Variants in B4GALNT3 observed in about 807,000 individuals in gnomAD.
The protein encoded by B4GALNT3 is beta-1,4-N-acetylgalactosaminyltransferase 3.
In B4GALNT3, 86 loss-of-function variants were observed where a neutral mutation model predicts 120.2. That is an observed-to-expected ratio of 0.72 (90% CI 0.60 to 0.86). B4GALNT3 has a LOEUF of 0.86. Ranked by LOEUF, B4GALNT3 falls within the 40% of genes least tolerant of loss-of-function variation. B4GALNT3 has a pLI of 0.00. For synonymous variants in B4GALNT3, 518 were observed against 510.4 expected, an observed-to-expected ratio of 1.01 and a Z score of -0.20; for missense variants, 1,167 against 1,298.9, an observed-to-expected ratio of 0.90 and a Z score of 1.56.
intron 3 of B4GALNT3, among the ~76,000 whole-genome samples, chr12:537,928 G>A (rs534235260): frequency 1.3e-5 from 2 of 152,154 alleles, no homozygotes; most frequent in Non-Finnish European, 2.9e-5. Flanking sequence ...TATCCACACT[G>A]TGAAACTACC....
At position 559,392 on chromosome 12, in the gene B4GALNT3, G is replaced by T. The variant is rs768561857; in HGVS notation, c.2859G>T (p.Trp953Cys). 2 of 1,614,010 alleles carry T rather than the reference G, an allele frequency of 1.2e-6. No individual in the cohort carries two copies. The highest frequency in any genetic ancestry group is 1.1e-5 in the South Asian group (1 of 91,080). The part of the protein sequence containing the change: ...GMNTKEFRDR[W>C]GGEDWELLDR... ...ACACCAAGGAGTTCCGAGACCGCTGGGGCGGGGAAGACTGGGAGCTGCTGG... is the reference window on the plus strand; with the variant it reads ...ACACCAAGGAGTTCCGAGACCGCTGTGGCGGGGAAGACTGGGAGCTGCTGG... Residue 953 changes from tryptophan (W) to cysteine (C), a missense_variant, in exon 19 of 20, where the codon TGG becomes TGT. Transcript: ENST00000266383.
intron 1 of B4GALNT3, among the ~76,000 whole-genome samples, chr12:471,543 C>T (rs1565587253): frequency 6.6e-6 from 1 of 151,504 alleles, no homozygotes; most frequent in East Asian, 1.9e-4. Context: ...CCCGTCTCTA[C>T]TAAAAATACA....
At chr12:466,272 T>C (rs1946079798) in intron 1 of B4GALNT3, among the ~76,000 whole-genome samples, 1 of 152,196 alleles carries the variant, frequency 6.6e-6, no homozygotes, top group African/African-American at 2.4e-5. Context: ...AGCCTGGGCT[T>C]GCCCTCTAGT....
intron 1 of B4GALNT3, among the ~76,000 whole-genome samples, chr12:520,494 CTT>C (rs1193889666): frequency 6.0e-5 from 5 of 83,770 alleles, no homozygotes; most frequent in Non-Finnish European, 1.2e-4. Flanking sequence ...AAGGTCCTCA[CTT>C]TTCTATTATC....
intron 1 of B4GALNT3, among the ~76,000 whole-genome samples, chr12:511,339 T>TCCACCTTCCA (rs199673861): frequency 3.9e-5 from 2 of 51,118 alleles, no homozygotes; most frequent in Admixed American, 1.8e-4. Flanking sequence ...CCTTCCACCT[T>TCCACCTTCCA]CCTTCCACCT....
At chr12:466,118 C>G (rs1230826918) in intron 1 of B4GALNT3, among the ~76,000 whole-genome samples, 2 of 146,126 alleles carry the variant, frequency 1.4e-5, no homozygotes, top group Middle Eastern at 3.8e-3. Context: ...GGTGCTGGGG[C>G]TGCCTGCCAC....
chr12:524,040 G>A (rs751784354), intron 1 of B4GALNT3, among the ~76,000 whole-genome samples: 3 of 152,156 alleles, frequency 2.0e-5, no homozygotes, highest in South Asian at 2.1e-4. Flanking sequence ...TAGCCCAGGC[G>A]ACGGTGAGAG....
intron 1 of B4GALNT3, among the ~76,000 whole-genome samples, chr12:481,470 C>G (rs1592015493): frequency 1.3e-5 from 2 of 152,324 alleles, no homozygotes; most frequent in East Asian, 3.9e-4. Flanking sequence ...ACTCTTGATT[C>G]TCGTGGTTTC....
Position 550,934 on chromosome 12 carries a change from C to G in B4GALNT3, c.1010C>G (p.Pro337Arg), listed in dbSNP as rs141135800. 4 of 1,613,304 alleles carry G rather than the reference C, an allele frequency of 2.5e-6. No individual in the cohort carries two copies. The highest frequency in any genetic ancestry group is 1.3e-5 in the African/African-American group (1 of 74,918). Residue 337 changes from proline (P) to arginine (R), a missense_variant, in exon 11 of 20, where the codon CCC becomes CGC. This residue lies in a region of B4GALNT3 where 983 missense variants were observed against 1,102.5 expected (regional missense o/e 0.89). Transcript: ENST00000266383. The surrounding 1 kb of genome is among the most constrained non-coding windows in gnomAD (Gnocchi z 4.1). ...RDTLYRVPLIPKSHLRHVLPD... is the reference protein window; with the variant it reads ...RDTLYRVPLIRKSHLRHVLPD... ...CCACTGTCCTCAGTGCCTCTGATCC[C>G]CAAGTCGCATCTCCGCCACGTCCTG...
chr12:508,344 A>G (rs939007404), intron 1 of B4GALNT3, among the ~76,000 whole-genome samples: 4 of 152,096 alleles, frequency 2.6e-5, no homozygotes, highest in South Asian at 2.1e-4. Context: ...CAGTGATGCA[A>G]TCATGGCTTA....
chr12:512,485 TCCG>T (rs1946595369), intron 1 of B4GALNT3, among the ~76,000 whole-genome samples: 1 of 116,432 alleles, frequency 8.6e-6, no homozygotes, highest in Non-Finnish European at 1.7e-5. Context: ...CCTTCCACCT[TCCG>T]CCTTCCACCT....
intron 1 of B4GALNT3, among the ~76,000 whole-genome samples, chr12:520,460 C>T (rs887608971): frequency 1.6e-4 from 20 of 128,956 alleles, no homozygotes; most frequent in Non-Finnish European, 2.6e-4. Context: ...GTTATTAACA[C>T]ATCAAATAAC....
chr12:522,459 T>C (rs1014077152), intron 1 of B4GALNT3, among the ~76,000 whole-genome samples: 1 of 151,894 alleles, frequency 6.6e-6, no homozygotes, highest in African/African-American at 2.4e-5. Flanking sequence ...ATTCTGTGAG[T>C]AGTCAAATTC....
chr12:514,406 C>A (rs1398778836), intron 1 of B4GALNT3, among the ~76,000 whole-genome samples: 1 of 151,658 alleles, frequency 6.6e-6, no homozygotes, highest in African/African-American at 2.4e-5. Flanking sequence ...ACCGTGTTAG[C>A]CAGGATGGTC....
chr12:522,808 C>T (rs1300836116), intron 1 of B4GALNT3, among the ~76,000 whole-genome samples: 1 of 151,706 alleles, frequency 6.6e-6, no homozygotes, highest in African/African-American at 2.4e-5. Context: ...CATGGTGGCA[C>T]ACGCCTGTGG....
rs150037144 is a variant in B4GALNT3 at position 539,692 on chromosome 12, C to T, written c.351+3397C>T. On this transcript the variant is annotated intron_variant, in intron 3 of 19. Transcript: ENST00000266383. ...CTTTGGGAGGCCAAGATGAGAGGAT[C>T]GCTTGAGGCCAGAAGTTTGAGACCA... Among the ~76,000 whole-genome samples, 1,088 of 152,188 alleles carry T rather than the reference C, an allele frequency of 7.1e-3. 12 individuals are homozygous for T. Among genetic ancestry groups the T allele is most frequent in the African/African-American group, 0.025 (1,037 of 41,508 alleles).
intron 1 of B4GALNT3, among the ~76,000 whole-genome samples, chr12:507,289 T>C (rs1592028971): frequency 6.6e-6 from 1 of 152,252 alleles, no homozygotes; most frequent in East Asian, 1.9e-4. Context: ...CTATATGTTT[T>C]GAACACCTTT....
intron 1 of B4GALNT3, among the ~76,000 whole-genome samples, chr12:492,006 G>A (rs113679609): frequency 3.0e-4 from 45 of 149,004 alleles, no homozygotes; most frequent in African/African-American, 6.9e-4. Flanking sequence ...TGCAGTGAGC[G>A]GAGATCATGG....
intron 1 of B4GALNT3, among the ~76,000 whole-genome samples, chr12:512,051 TCGA>T (rs1946578364): frequency 8.3e-6 from 1 of 120,582 alleles, no homozygotes; most frequent in Middle Eastern, 5.5e-3. Context: ...CCTTCCACCT[TCGA>T]CCTTCTTCCA....
Sources: allele counts gnomAD v4.1 joint callset (sites outside exome capture counted in the v4.1 genomes callset), GRCh38; gene constraint gnomAD v4.1.1; regional missense constraint gnomAD v4.1.1; non-coding constraint Gnocchi (gnomAD v3.1); transcripts MANE v1.5; gene names NCBI Gene and HGNC (gene_info 2026-07-23, HGNC 2026-07-21).